The following EIPR1 variants were observed in gnomAD, a reference collection of about 807,000 sequenced individuals.
EIPR1 encodes the protein EARP complex and GARP complex interacting protein 1.
EIPR1 carries 25 observed loss-of-function variants against 48.1 expected under a neutral mutation model. That is an observed-to-expected ratio of 0.52 (90% CI 0.38 to 0.73). The LOEUF (loss-of-function observed/expected upper bound fraction) is 0.73. Among genes scored for constraint, EIPR1 ranks in the 30% least tolerant of loss-of-function variants. The probability of loss-of-function intolerance (pLI) is 0.00; values close to 1 mark genes in which losing one functional copy is unlikely to be tolerated. For missense variants in EIPR1, 415 were observed against 506.2 expected (o/e 0.82, Z 1.73); for synonymous variants, 204 against 201.9 (o/e 1.01, Z -0.09).
chr2:3,328,694 G>A (rs1350954457), intron 3 of EIPR1, among the ~76,000 whole-genome samples: 1 of 136,028 alleles, frequency 7.4e-6, no homozygotes, highest in Non-Finnish European at 1.6e-5. Flanking sequence ...CCCTGAATCA[G>A]AGCCCACCCA....
At chr2:3,249,888 C>T (rs769475075) in intron 4 of EIPR1, among the ~76,000 whole-genome samples, 2 of 152,210 alleles carry the variant, frequency 1.3e-5, no homozygotes, top group Non-Finnish European at 2.9e-5. Context: ...TGGCAACTTC[C>T]ACATGGTGCT....
chr2:3,276,414 C>G (rs1483697104), intron 3 of EIPR1, among the ~76,000 whole-genome samples: 4 of 152,164 alleles, frequency 2.6e-5, no homozygotes, highest in Non-Finnish European at 5.9e-5. Context: ...ATAATTTTTT[C>G]TTATAACATG....
chr2:3,334,555 T>A (rs963706172), intron 3 of EIPR1, among the ~76,000 whole-genome samples: 2 of 152,248 alleles, frequency 1.3e-5, no homozygotes, highest in Non-Finnish European at 2.9e-5. Context: ...GTGCGACCAC[T>A]GCTGCAGATG....
intron 4 of EIPR1, among the ~76,000 whole-genome samples, chr2:3,227,744 C>A (rs1198021126): frequency 6.6e-6 from 1 of 152,234 alleles, no homozygotes; most frequent in African/African-American, 2.4e-5. Context: ...CTGCTCTGTG[C>A]AGCCTTGGGA....
At chr2:3,195,168 A>G (rs1664764607) in intron 6 of EIPR1, among the ~76,000 whole-genome samples, 1 of 152,254 alleles carries the variant, frequency 6.6e-6, no homozygotes, top group Admixed American at 6.5e-5. Context: ...CCCAGAGGGC[A>G]GGTCATCCAG....
intron 3 of EIPR1, among the ~76,000 whole-genome samples, chr2:3,296,580 C>A (rs1668606987): frequency 6.8e-6 from 1 of 148,058 alleles, no homozygotes; most frequent in Non-Finnish European, 1.5e-5. Context: ...CTCCATCCAG[C>A]CCATCCTCTC....
At chr2:3,256,970 G>A (rs2694070) in intron 4 of EIPR1, among the ~76,000 whole-genome samples, 100,528 of 152,040 alleles carry the variant, frequency 0.66, 33,460 homozygotes, top group East Asian at 0.81. Flanking sequence ...GTGTGAATAA[G>A]TGCATGCTGA....
intron 3 of EIPR1, among the ~76,000 whole-genome samples, chr2:3,334,001 C>G (rs529522161): frequency 6.6e-6 from 1 of 152,072 alleles, no homozygotes; most frequent in Non-Finnish European, 1.5e-5. Context: ...AAGATGCCAC[C>G]GTTCACCAAA....
intron 3 of EIPR1, among the ~76,000 whole-genome samples, chr2:3,258,426 G>C (rs1392524725): frequency 6.6e-6 from 1 of 151,968 alleles, no homozygotes; most frequent in African/African-American, 2.4e-5. Context: ...TCATAAACTA[G>C]CAAACAGGAT....
At chr2:3,303,473 G>A (rs1668819724) in intron 3 of EIPR1, among the ~76,000 whole-genome samples, 3 of 152,210 alleles carry the variant, frequency 2.0e-5, no homozygotes, top group Non-Finnish European at 2.9e-5. Flanking sequence ...CACCTCGACC[G>A]CCACTCACAG....
chr2:3,288,390 G>A (rs1668270377), intron 3 of EIPR1, among the ~76,000 whole-genome samples: 1 of 152,250 alleles, frequency 6.6e-6, no homozygotes, highest in African/African-American at 2.4e-5. Flanking sequence ...GGGCGAACAA[G>A]GAGGTGATGT....
At chr2:3,240,315 CCTAA>C (rs1666564366) in intron 4 of EIPR1, among the ~76,000 whole-genome samples, 1 of 146,308 alleles carries the variant, frequency 6.8e-6, no homozygotes, top group African/African-American at 2.5e-5. Flanking sequence ...GCAGGTCCCT[CCTAA>C]AGCAAAGCCA....
chr2:3,264,152 C>T (rs1373194415), intron 3 of EIPR1, among the ~76,000 whole-genome samples: 10 of 152,282 alleles, frequency 6.6e-5, no homozygotes, highest in South Asian at 2.1e-4. Context: ...TTTCCCCATC[C>T]GCCCTCCCGC....
At chr2:3,370,357 C>G (rs935064532) in intron 1 of EIPR1, among the ~76,000 whole-genome samples, 1 of 152,178 alleles carries the variant, frequency 6.6e-6, no homozygotes, top group African/African-American at 2.4e-5. Flanking sequence ...GAACGCAGTC[C>G]CTCACCAGCA....
At chr2:3,332,884 G>C (rs1669940965) in intron 3 of EIPR1, among the ~76,000 whole-genome samples, 1 of 152,190 alleles carries the variant, frequency 6.6e-6, no homozygotes, top group South Asian at 2.1e-4. Context: ...GTAATCGATG[G>C]CAATCTGTCA....
chr2:3,358,537 C>T (rs765474891), intron 1 of EIPR1, among the ~76,000 whole-genome samples: 55 of 152,200 alleles, frequency 3.6e-4, no homozygotes, highest in Non-Finnish European at 8.8e-5. Flanking sequence ...GTCCCACTGT[C>T]GGTATTCCTC....
At chr2:3,329,115 A>G (rs1310382287) in intron 3 of EIPR1, among the ~76,000 whole-genome samples, 1 of 143,534 alleles carries the variant, frequency 7.0e-6, no homozygotes, top group Non-Finnish European at 1.5e-5. Context: ...CCACGCTCTA[A>G]TGATCTCAGG....
At chr2:3,274,926 TA>T (rs1464110996) in intron 3 of EIPR1, among the ~76,000 whole-genome samples, 8 of 151,986 alleles carry the variant, frequency 5.3e-5, no homozygotes, top group African/African-American at 1.9e-4. Flanking sequence ...ACTTCTAAAA[TA>T]ATACAGTAAG....
chr2:3,272,408 A>C (rs1667726308), intron 3 of EIPR1, among the ~76,000 whole-genome samples: 1 of 152,210 alleles, frequency 6.6e-6, no homozygotes, highest in Non-Finnish European at 1.5e-5. Context: ...ACTAAGCTTA[A>C]TCATTTCTAG....
Sources: allele counts gnomAD v4.1 joint callset (sites outside exome capture counted in the v4.1 genomes callset), GRCh38; gene constraint gnomAD v4.1.1; transcripts MANE v1.5; gene names NCBI Gene and HGNC (gene_info 2026-07-23, HGNC 2026-07-21).